Variants in DAP observed in about 807,000 individuals in gnomAD.
DAP encodes death-associated protein 1.
DAP carries 8 observed loss-of-function variants against 13.8 expected under a neutral mutation model. The observed-to-expected ratio is 0.58, with a 90% CI of 0.34 to 1.05. DAP has a LOEUF of 1.05. Among genes scored for constraint, DAP ranks in the 50% least tolerant of loss-of-function variants. The pLI is 0.03. For missense variants in DAP, 106 were observed against 133.2 expected, an observed-to-expected ratio of 0.80 and a Z score of 1.01; for synonymous variants, 47 against 47.5, an observed-to-expected ratio of 0.99 and a Z score of 0.04.
intron 2 of DAP, among the ~76,000 whole-genome samples, chr5:10,693,057 T>A (rs932662837): frequency 1.3e-5 from 2 of 152,034 alleles, no homozygotes; most frequent in Non-Finnish European, 2.9e-5. Flanking sequence ...CCAAGCATCC[T>A]GGTAGGGATT....
intron 2 of DAP, among the ~76,000 whole-genome samples, chr5:10,725,332 G>A (rs574046960): frequency 1.3e-5 from 2 of 152,286 alleles, no homozygotes; most frequent in African/African-American, 2.4e-5. Context: ...TCCTGAGCTC[G>A]GGCTGTCTCC....
At chr5:10,734,122 A>G (rs1739542034) in intron 2 of DAP, 1 of 152,248 alleles carries the variant, frequency 6.6e-6, no homozygotes, top group African/African-American at 2.4e-5. Flanking sequence ...CCTCCGTTCC[A>G]AGAGGATGAC....
chr5:10,720,191 T>C (rs536548985), intron 2 of DAP, among the ~76,000 whole-genome samples: 2 of 152,258 alleles, frequency 1.3e-5, no homozygotes, highest in African/African-American at 2.4e-5. Context: ...AAGGAGACCA[T>C]GGGCATTTGA....
chr5:10,737,208 G>A (rs555459736), intron 2 of DAP, among the ~76,000 whole-genome samples: 5 of 152,222 alleles, frequency 3.3e-5, no homozygotes, highest in African/African-American at 1.2e-4. Flanking sequence ...AGCTGGGCAT[G>A]GTGGCATGTA....
At chr5:10,682,046 G>A (rs1738025493) in intron 3 of DAP, among the ~76,000 whole-genome samples, 1 of 151,510 alleles carries the variant, frequency 6.6e-6, no homozygotes, top group Admixed American at 6.6e-5. Context: ...CATGGTGTTT[G>A]TGGGTGAGGA....
intron 1 of DAP, among the ~76,000 whole-genome samples, chr5:10,755,067 G>A (rs1477706320): frequency 6.6e-6 from 1 of 152,182 alleles, no homozygotes; most frequent in Non-Finnish European, 1.5e-5. Flanking sequence ...CTGAAGGTGA[G>A]GAGATTATTC....
chr5:10,733,196 G>A (rs990245358), intron 2 of DAP, among the ~76,000 whole-genome samples: 50 of 122,878 alleles, frequency 4.1e-4, no homozygotes, highest in African/African-American at 1.4e-3. Context: ...GTGTGTGTGT[G>A]TGTGTGTGTG....
In DAP at chr5:10,727,207, G is replaced by A. The variant is rs1229432640; in HGVS notation, c.152+20968C>T. Among the ~76,000 whole-genome samples, 5 of 152,178 alleles carry A rather than the reference G, an allele frequency of 3.3e-5. No homozygotes were observed. The East Asian group carries it at 9.6e-4, about 29-fold the overall frequency. ...AGGAACTGTCTCTCAATGTGCCCAT[G>A]TGTCAGGAGAATGGGTGGCTGGCAC... On this transcript the variant is annotated intron_variant, in intron 2 of 3. Coordinates refer to ENST00000230895, the MANE Select transcript of DAP (RefSeq NM_004394.3).
intron 2 of DAP, among the ~76,000 whole-genome samples, chr5:10,699,020 A>C (rs1738500767): frequency 6.6e-6 from 1 of 152,218 alleles, no homozygotes; most frequent in Non-Finnish European, 1.5e-5. Context: ...AAAAGTCCCA[A>C]AGATAAAAAG....
At chr5:10,721,528 A>G (rs893708873) in intron 2 of DAP, among the ~76,000 whole-genome samples, 2 of 152,194 alleles carry the variant, frequency 1.3e-5, no homozygotes, top group Non-Finnish European at 2.9e-5. Context: ...CACAACAGAG[A>G]TAAGGAAGAG....
At chr5:10,704,463 G>A (rs568541476) in intron 2 of DAP, among the ~76,000 whole-genome samples, 1 of 152,150 alleles carries the variant, frequency 6.6e-6, no homozygotes, top group Admixed American at 6.5e-5. Context: ...CTGTGCTGTC[G>A]CCCAGTCTGC....
intron 1 of DAP, among the ~76,000 whole-genome samples, chr5:10,756,179 G>A (rs267933): frequency 0.67 from 90,585 of 134,386 alleles, 36,665 homozygotes; most frequent in Non-Finnish European, 0.8. Flanking sequence ...GAGGTGAAAT[G>A]CCATGGGCCA....
At chr5:10,739,891 T>C (rs980359761) in intron 2 of DAP, among the ~76,000 whole-genome samples, 4 of 152,176 alleles carry the variant, frequency 2.6e-5, no homozygotes, top group African/African-American at 9.7e-5. Flanking sequence ...CAGCTTCTAG[T>C]GTTATTTCTG....
chr5:10,745,248 TA>T (rs1739871122), intron 2 of DAP, among the ~76,000 whole-genome samples: 1 of 152,166 alleles, frequency 6.6e-6, no homozygotes, highest in African/African-American at 2.4e-5. Context: ...CATCAATAGC[TA>T]AAGAGTGTAC....
chr5:10,705,227 C>T (rs1383720360), intron 2 of DAP, among the ~76,000 whole-genome samples: 2 of 151,624 alleles, frequency 1.3e-5, no homozygotes, highest in Non-Finnish European at 2.9e-5. Flanking sequence ...CACCGCGGCC[C>T]ACACTACACA....
At chr5:10,709,959 A>G (rs1738800779) in intron 2 of DAP, among the ~76,000 whole-genome samples, 2 of 152,162 alleles carry the variant, frequency 1.3e-5, no homozygotes, top group Admixed American at 6.5e-5. Context: ...GCCTTCCTCA[A>G]ACACAGAGGC....
At chr5:10,694,098 ACT>A (rs1265757521) in intron 2 of DAP, among the ~76,000 whole-genome samples, 1 of 151,372 alleles carries the variant, frequency 6.6e-6, no homozygotes, top group Non-Finnish European at 1.5e-5. Context: ...ATCTCAGACG[ACT>A]CTGTTCCTCA....
intron 2 of DAP, among the ~76,000 whole-genome samples, chr5:10,720,997 T>C (rs1456612158): frequency 3.9e-5 from 6 of 152,254 alleles, no homozygotes; most frequent in Non-Finnish European, 4.4e-5. Context: ...AGTCTGACAC[T>C]GGGCTCATGC....
In DAP at chr5:10,744,906, G is replaced by A. The variant is rs1739862869; in HGVS notation, c.152+3269C>T. Reference sequence around the variant, plus strand: ...TGGCACTGCCACTTACCCACCGTGTGCCCTCGGAAAAGTCACTTCACTCTC... The same window carrying A: ...TGGCACTGCCACTTACCCACCGTGTACCCTCGGAAAAGTCACTTCACTCTC... On this transcript the variant is annotated intron_variant, in intron 2 of 3. Coordinates refer to ENST00000230895, the MANE Select transcript of DAP (RefSeq NM_004394.3). Among the ~76,000 whole-genome samples the A allele has an allele frequency of 2.0e-5, 3 of 152,312 alleles. No individual in the cohort carries two copies. In the South Asian group the frequency reaches 6.2e-4, roughly 32 times the overall value.
Sources: allele counts gnomAD v4.1 joint callset (sites outside exome capture counted in the v4.1 genomes callset), GRCh38; gene constraint gnomAD v4.1.1; transcripts MANE v1.5; gene names NCBI Gene and HGNC (gene_info 2026-07-23, HGNC 2026-07-21).